The following PRDM15 variants were observed in gnomAD, a reference collection of about 807,000 sequenced individuals.
PRDM15 encodes PR domain zinc finger protein 15.
A neutral mutation model predicts 128.6 loss-of-function variants in PRDM15; 64 were observed. That is an observed-to-expected ratio of 0.50 (90% CI 0.41 to 0.61). PRDM15 has a LOEUF of 0.61. Ranked by LOEUF, PRDM15 falls within the 20% of genes least tolerant of loss-of-function variation. PRDM15 has a pLI of 0.00. For missense variants in PRDM15, 1,242 were observed against 1,569.1 expected, an observed-to-expected ratio of 0.79 and a Z score of 3.52; for synonymous variants, 615 against 621.8, an observed-to-expected ratio of 0.99 and a Z score of 0.16.
Position 41,803,200 on chromosome 21 carries a change from G to T in PRDM15, c.2734-279C>A, listed in dbSNP as rs1049524815. ...TGTAAACACTTCTTAGAAACTTAAC[G>T]TTTTAAGCCACTGGGTATTTCCAAA... is the stretch of plus-strand genomic sequence containing the variant. On this transcript the variant is annotated intron_variant, in intron 22 of 23. Transcript: ENST00000398548. The T allele has an allele frequency of 8.5e-6, 4 of 470,040 alleles. No homozygotes were observed. The East Asian group carries it at 1.6e-4, about 19-fold the overall frequency. 29.1% of individuals were successfully genotyped at this position (470,040 alleles called of 1,614,324 possible).
chr21:41,858,460 C>A (rs1456019096), intron 3 of PRDM15, among the ~76,000 whole-genome samples: 1 of 151,674 alleles, frequency 6.6e-6, no homozygotes, highest in African/African-American at 2.4e-5. Context: ...ATGGGGTGCC[C>A]AGAGCACAGG....
At chr21:41,802,987 GC>G in intron 22 of PRDM15, 66 bp from the exon 23 acceptor site, 2 of 1,272,022 alleles carry the variant, frequency 1.6e-6, no homozygotes, top group Non-Finnish European at 1.1e-6. Context: ...GGCCAGGGCA[GC>G]CCCAGCACTG....
intron 3 of PRDM15, among the ~76,000 whole-genome samples, chr21:41,858,672 C>A (rs2063716434): frequency 6.6e-6 from 1 of 152,124 alleles, no homozygotes; most frequent in Non-Finnish European, 1.5e-5. Flanking sequence ...AGACAAGGAG[C>A]CAGCACGGAG....
intron 1 of PRDM15, among the ~76,000 whole-genome samples, chr21:41,875,507 G>GT (rs2064381418): frequency 6.6e-6 from 1 of 152,222 alleles, no homozygotes; most frequent in Non-Finnish European, 1.5e-5. Context: ...CCAGCATACT[G>GT]TAAATACTGA....
At chr21:41,856,134 CCCTTCCTTT>C (rs1401106909) in intron 4 of PRDM15, among the ~76,000 whole-genome samples, 1 of 4,468 alleles carries the variant, frequency 2.2e-4, no homozygotes, top group Non-Finnish European at 3.8e-4. Context: ...TCCCCTCCCT[CCCTTCCTTT>C]CCTTCCTTCC....
intron 1 of PRDM15, among the ~76,000 whole-genome samples, chr21:41,874,525 A>ATATATATTTT: frequency 2.5e-4 from 24 of 95,812 alleles, no homozygotes; most frequent in African/African-American, 5.0e-4. Context: ...ATATATATAT[A>ATATATATTTT]TTTTTTTTTT....
chr21:41,876,307 G>T (rs79725710), intron 1 of PRDM15, among the ~76,000 whole-genome samples: 4 of 152,154 alleles, frequency 2.6e-5, no homozygotes, highest in African/African-American at 9.7e-5. Flanking sequence ...ACAAATGCTC[G>T]CCTCTGTCCC....
chr21:41,800,964 A>C lies in PRDM15; in HGVS notation c.*276T>G. On this transcript the variant is annotated 3_prime_UTR_variant, in exon 24 of 24. Transcript: ENST00000398548. ...GGGCGAACACTGGTTCTGTAAGGGG[A>C]GGCAGATGCGGCCCCGGCCCAGGAC... 1 of 375,386 alleles carries C rather than the reference A, an allele frequency of 2.7e-6. No individual in the cohort carries two copies. The highest frequency in any genetic ancestry group is 4.3e-5 in the Admixed American group (1 of 23,356). The allele number at this position is 375,386 out of a possible 1,614,324, so 23.3% of individuals were successfully genotyped here. A position where few individuals can be genotyped will look rare whatever the true frequency, so the allele number is the denominator to read the frequency against.
At position 41,826,979 on chromosome 21, in the gene PRDM15, T is replaced by C. The variant is rs981312545; in HGVS notation, c.1535-925A>G. On this transcript the variant is annotated intron_variant, in intron 12 of 23. Coordinates refer to ENST00000398548, the MANE Select transcript of PRDM15 (RefSeq NM_001040424.3). ...CAGCATCCACAGTTACTGGCATTTA[T>C]GGGCGCTTGCCATGTGCGGGGTCCT... is the stretch of plus-strand genomic sequence containing the variant. Among the ~76,000 whole-genome samples the C allele has an allele frequency of 7.9e-5, 12 of 152,350 alleles. 1 individual carries two copies. The highest frequency in any genetic ancestry group is 3.9e-4 in the East Asian group (2 of 5,186).
At chr21:41,846,139 C>T (rs143943128) in intron 6 of PRDM15, among the ~76,000 whole-genome samples, 1 of 152,298 alleles carries the variant, frequency 6.6e-6, no homozygotes, top group Non-Finnish European at 1.5e-5. Flanking sequence ...CCCAGTCACT[C>T]CTCACAACTG....
At chr21:41,845,732 G>A (rs1022022075) in intron 6 of PRDM15, among the ~76,000 whole-genome samples, 3 of 152,162 alleles carry the variant, frequency 2.0e-5, no homozygotes, top group Non-Finnish European at 2.9e-5. Context: ...CACGTCTTAC[G>A]TAGTTGATGA....
intron 18 of PRDM15, among the ~76,000 whole-genome samples, chr21:41,816,229 G>A (rs777468632): frequency 4.6e-5 from 7 of 152,086 alleles, no homozygotes; most frequent in Non-Finnish European, 8.8e-5. Context: ...ATTGGGATTC[G>A]GACGCGAGAT....
chr21:41,861,957 G>T, intron 1 of PRDM15: 2 of 1,614,038 alleles, frequency 1.2e-6, no homozygotes, highest in Non-Finnish European at 1.7e-6. Flanking sequence ...TGCGGCTCTA[G>T]CAAGTGTGAC....
chr21:41,804,646 C>A, intron 21 of PRDM15, 32 bp from the exon 22 acceptor site: 2 of 1,508,154 alleles, frequency 1.3e-6, no homozygotes, highest in African/African-American at 1.4e-5. Flanking sequence ...AGCTGGGGGT[C>A]AGGGTGCTGC....
chr21:41,866,694 G>A (rs2064019758), intron 1 of PRDM15, among the ~76,000 whole-genome samples: 3 of 152,244 alleles, frequency 2.0e-5, no homozygotes, highest in Non-Finnish European at 2.9e-5. Flanking sequence ...TTCTTGTCCA[G>A]ATATTCGTGG....
chr21:41,806,050 AC>A (rs2061572081), intron 21 of PRDM15, among the ~76,000 whole-genome samples: 1 of 144,496 alleles, frequency 6.9e-6, no homozygotes, highest in Non-Finnish European at 1.5e-5. Context: ...CACCATCACC[AC>A]CACCACCATC....
intron 23 of PRDM15, among the ~76,000 whole-genome samples, chr21:41,802,270 T>C (rs2061435899): frequency 6.6e-6 from 1 of 152,202 alleles, no homozygotes; most frequent in African/African-American, 2.4e-5. Context: ...TGACGAAGGC[T>C]GAGCAAGACA....
At chr21:41,861,890 A>C (rs1332192799) in intron 1 of PRDM15, 2 of 1,604,268 alleles carry the variant, frequency 1.2e-6, no homozygotes, top group Non-Finnish European at 1.7e-6. Context: ...TTTTCTCCCA[A>C]AACAGCACTG....
intron 1 of PRDM15, among the ~76,000 whole-genome samples, chr21:41,872,236 C>G (rs904207748): frequency 3.3e-5 from 5 of 152,180 alleles, no homozygotes. Flanking sequence ...TCTGCTGTAT[C>G]TGATTCTACA....
Sources: gnomAD v4.1 joint callset for allele counts (sites outside exome capture counted in the v4.1 genomes callset) on GRCh38, gnomAD v4.1.1 for gene constraint, MANE v1.5 for transcripts, NCBI Gene and HGNC (gene_info 2026-07-23, HGNC 2026-07-21) for gene names.